The following TMEFF1 variants were observed in gnomAD, a reference collection of about 807,000 sequenced individuals.
TMEFF1 encodes tomoregulin-1.
TMEFF1 carries 20 observed loss-of-function variants against 47.5 expected under a neutral mutation model. The observed-to-expected ratio is 0.42, with a 90% CI of 0.30 to 0.61. The LOEUF is 0.61. Among genes scored for constraint, TMEFF1 ranks in the 20% least tolerant of loss-of-function variants. The pLI is 0.19. For synonymous variants in TMEFF1, 162 were observed against 166.3 expected (o/e 0.97, Z 0.20); for missense variants, 411 against 471.1 (o/e 0.87, Z 1.18).
intron 5 of TMEFF1, among the ~76,000 whole-genome samples, chr9:100,540,231 G>A (rs548670393): frequency 1.9e-4 from 28 of 149,584 alleles, no homozygotes; most frequent in Admixed American, 1.0e-3. Context: ...AGTCCCCACC[G>A]GATTAGCTAG....
intron 2 of TMEFF1, among the ~76,000 whole-genome samples, chr9:100,506,830 C>T (rs1294518967): frequency 1.4e-5 from 2 of 147,038 alleles, no homozygotes; most frequent in Non-Finnish European, 3.0e-5. Flanking sequence ...TTTTGCCTAA[C>T]TTTGTTAGCT....
intron 1 of TMEFF1, among the ~76,000 whole-genome samples, chr9:100,475,921 G>T (rs545346745): frequency 2.0e-5 from 3 of 150,918 alleles, no homozygotes; most frequent in East Asian, 3.9e-4. Flanking sequence ...AAGAGGAGGG[G>T]TGGGTGACAT....
intron 5 of TMEFF1, among the ~76,000 whole-genome samples, chr9:100,527,425 C>A (rs1193584439): frequency 6.6e-6 from 1 of 152,198 alleles, no homozygotes; most frequent in African/African-American, 2.4e-5. Context: ...TTGCCTCACT[C>A]GGGAAGTGCA....
chr9:100,550,318 CA>C (rs1466594844), intron 7 of TMEFF1, among the ~76,000 whole-genome samples, 158 bp downstream of exon 7: 2 of 152,172 alleles, frequency 1.3e-5, no homozygotes, highest in Non-Finnish European at 2.9e-5. Context: ...GTAACAGAAA[CA>C]GCTGAAGTTC....
chr9:100,563,399 T>G (rs1032753274), intron 8 of TMEFF1, among the ~76,000 whole-genome samples: 9 of 152,250 alleles, frequency 5.9e-5, no homozygotes, highest in African/African-American at 2.2e-4. Context: ...GAGAGGATCA[T>G]GTTCTGGTAA....
chr9:100,554,990 C>G (rs1313062976), intron 7 of TMEFF1, among the ~76,000 whole-genome samples: 2 of 152,052 alleles, frequency 1.3e-5, no homozygotes, highest in Non-Finnish European at 2.9e-5. Context: ...TGGAACAAGC[C>G]TTTGCAGATA....
chr9:100,549,854 G>A (rs998903148), intron 6 of TMEFF1, among the ~76,000 whole-genome samples: 2 of 152,080 alleles, frequency 1.3e-5, no homozygotes, highest in Non-Finnish European at 2.9e-5. Flanking sequence ...TAAAGGAGGC[G>A]ACATTGGAGC....
intron 8 of TMEFF1, 103 bp downstream of exon 8, chr9:100,561,623 T>C: frequency 1.4e-5 from 19 of 1,374,656 alleles, no homozygotes; most frequent in Non-Finnish European, 1.8e-5. Flanking sequence ...CAGAAAGTAG[T>C]GTTTATTTGC....
intron 8 of TMEFF1, among the ~76,000 whole-genome samples, chr9:100,565,160 T>C (rs1839099038): frequency 6.6e-6 from 1 of 152,150 alleles, no homozygotes; most frequent in Admixed American, 6.5e-5. Context: ...AGAGATGTGA[T>C]TGAAGACATA....
At chr9:100,511,506 T>C (rs1055405785) in intron 3 of TMEFF1, among the ~76,000 whole-genome samples, 1 of 152,240 alleles carries the variant, frequency 6.6e-6, no homozygotes, top group Non-Finnish European at 1.5e-5. Context: ...AGCTGCTATA[T>C]TGATTTTATT....
At chr9:100,484,816 T>G (rs1195861500) in intron 1 of TMEFF1, among the ~76,000 whole-genome samples, 1 of 151,562 alleles carries the variant, frequency 6.6e-6, no homozygotes, top group Non-Finnish European at 1.5e-5. Context: ...CGGCATGAGA[T>G]TCAGGTGCCT....
At chr9:100,539,142 G>C (rs1336529431) in intron 5 of TMEFF1, among the ~76,000 whole-genome samples, 1 of 152,212 alleles carries the variant, frequency 6.6e-6, no homozygotes, top group African/African-American at 2.4e-5. Flanking sequence ...CTGATCTCAA[G>C]TGATCCGCCT....
intron 1 of TMEFF1, among the ~76,000 whole-genome samples, chr9:100,475,214 C>G (rs1026090648): frequency 5.3e-5 from 8 of 152,148 alleles, no homozygotes; most frequent in African/African-American, 1.9e-4. Context: ...GATGCTTATG[C>G]TACCCTAAAT....
At chr9:100,562,346 C>CA (rs1480284789) in intron 8 of TMEFF1, among the ~76,000 whole-genome samples, 4 of 151,544 alleles carry the variant, frequency 2.6e-5, no homozygotes, top group Non-Finnish European at 2.9e-5. Flanking sequence ...TCTTTCTTTC[C>CA]AAAAAAATAA....
At chr9:100,477,648 T>TG (rs1445900471) in intron 1 of TMEFF1, among the ~76,000 whole-genome samples, 1 of 138,986 alleles carries the variant, frequency 7.2e-6, no homozygotes, top group Admixed American at 7.4e-5. Context: ...TTTTTTGAGA[T>TG]GGAGTCTTGC....
At chr9:100,567,621 C>T (rs913769534) in intron 8 of TMEFF1, among the ~76,000 whole-genome samples, 2 of 152,020 alleles carry the variant, frequency 1.3e-5, no homozygotes, top group Admixed American at 6.6e-5. Context: ...TGAATTCACA[C>T]GTGAGACAGT....
chr9:100,476,361 A>T (rs928180289), intron 1 of TMEFF1, among the ~76,000 whole-genome samples: 7 of 151,918 alleles, frequency 4.6e-5, no homozygotes, highest in Admixed American at 3.3e-4. Flanking sequence ...AGCTTTTATT[A>T]TCTAGGTATC....
intron 5 of TMEFF1, among the ~76,000 whole-genome samples, chr9:100,523,283 A>G (rs1359574009): frequency 6.6e-6 from 1 of 152,024 alleles, no homozygotes; most frequent in Non-Finnish European, 1.5e-5. Flanking sequence ...CAGATTCACC[A>G]CCTCTTCTTA....
intron 5 of TMEFF1, among the ~76,000 whole-genome samples, chr9:100,535,888 CT>C: frequency 6.6e-6 from 1 of 152,312 alleles, no homozygotes; most frequent in Admixed American, 6.5e-5. Flanking sequence ...TTCTGCTACT[CT>C]TTTTCACATT....
Sources: gnomAD v4.1 joint callset for allele counts (sites outside exome capture counted in the v4.1 genomes callset) on GRCh38, gnomAD v4.1.1 for gene constraint, MANE v1.5 for transcripts, NCBI Gene and HGNC (gene_info 2026-07-23, HGNC 2026-07-21) for gene names.